The following SLC35A3 variants were observed in gnomAD, a reference collection of about 807,000 sequenced individuals.
SLC35A3 encodes the protein UDP-N-acetylglucosamine transporter.
In SLC35A3, 26 loss-of-function variants were observed where a neutral mutation model predicts 39.0. That is an observed-to-expected ratio of 0.67 (90% CI 0.49 to 0.92). The LOEUF is 0.92. Among genes scored for constraint, SLC35A3 ranks in the 40% least tolerant of loss-of-function variants. The pLI, the probability that SLC35A3 is intolerant of heterozygous loss-of-function variation, is 0.00. For missense variants in SLC35A3, 299 were observed against 371.6 expected (o/e 0.80, Z 1.61); for synonymous variants, 135 against 133.1 (o/e 1.01, Z -0.10).
At chr1:100,005,533 A>C (rs1659162352) in intron 3 of SLC35A3, among the ~76,000 whole-genome samples, 1 of 152,112 alleles carries the variant, frequency 6.6e-6, no homozygotes, top group African/African-American at 2.4e-5. Flanking sequence ...AGGCTTTTTC[A>C]TTCTTTTTTC....
At chr1:100,009,800 T>C (rs748604065) in intron 4 of SLC35A3, among the ~76,000 whole-genome samples, 4 of 152,222 alleles carry the variant, frequency 2.6e-5, no homozygotes, top group Non-Finnish European at 5.9e-5. Flanking sequence ...GCATTTTTAA[T>C]AGATATAAAG....
At chr1:100,001,015 T>C (rs1658751754) in intron 3 of SLC35A3, among the ~76,000 whole-genome samples, 1 of 152,188 alleles carries the variant, frequency 6.6e-6, no homozygotes, top group Non-Finnish European at 1.5e-5. Context: ...ATCAGTTGGC[T>C]GTAAACATGT....
intron 3 of SLC35A3, among the ~76,000 whole-genome samples, chr1:100,003,978 A>G (rs1659016557): frequency 6.6e-6 from 1 of 152,072 alleles, no homozygotes; most frequent in South Asian, 2.1e-4. Flanking sequence ...ATATCTCTCT[A>G]TCCCTTTACT....
chr1:99,997,385 A>T, intron 2 of SLC35A3, among the ~76,000 whole-genome samples: 1 of 127,696 alleles, frequency 7.8e-6, no homozygotes, highest in African/African-American at 2.9e-5. Flanking sequence ...CAAAATATAT[A>T]CAGTTATATG....
At chr1:100,009,912 G>T (rs1659502002) in intron 4 of SLC35A3, among the ~76,000 whole-genome samples, 2 of 152,260 alleles carry the variant, frequency 1.3e-5, no homozygotes, top group South Asian at 2.1e-4. Flanking sequence ...TGAAAATCTT[G>T]GACTTGAGCT....
chr1:100,014,983 C>T (rs1045984451), intron 5 of SLC35A3, among the ~76,000 whole-genome samples: 3 of 151,666 alleles, frequency 2.0e-5, no homozygotes, highest in African/African-American at 7.3e-5. Context: ...ACAGTGAAAC[C>T]CCGTCTCTAC....
At chr1:99,973,649 G>T (rs764044524) in intron 1 of SLC35A3, among the ~76,000 whole-genome samples, 1 of 152,186 alleles carries the variant, frequency 6.6e-6, no homozygotes, top group Non-Finnish European at 1.5e-5. Context: ...ATAAGTTGCT[G>T]TACTTAGAGA....
In SLC35A3 at chr1:100,026,280, A is replaced by G. The variant is rs1003366407; in HGVS notation, c.*3804A>G. On this transcript the variant is annotated 3_prime_UTR_variant, in exon 8 of 8. Coordinates refer to ENST00000533028, the MANE Select transcript of SLC35A3 (RefSeq NM_012243.3). ...CACATTCACATTATAATATTTAATT[A>G]TCATGGGTGTATGCTTTACATAAAA... 2 of 152,178 alleles carry G rather than the reference A, an allele frequency of 1.3e-5. No homozygotes were observed. The highest frequency in any genetic ancestry group is 2.9e-5 in the Non-Finnish European group (2 of 68,000). The allele number at this position is 152,178 out of a possible 1,614,324, so 9.4% of individuals were successfully genotyped here.
In SLC35A3 at chr1:100,017,773, C is replaced by T. The variant is rs960736132; in HGVS notation, c.845C>T (p.Thr282Ile). 1.3e-6 allele frequency: 2 copies of T among 1,573,342 alleles called. No homozygotes were observed. Among genetic ancestry groups the T allele is most frequent in the Middle Eastern group, 1.7e-4 (1 of 5,788 alleles). ...ACCTCTTTATCGATAATATTATCAA[C>T]ATTGATCTCCTATTTTTGGCTTCAA... ...FATSLSIILSTLISYFWLQDF... is the reference protein window; with the variant it reads ...FATSLSIILSILISYFWLQDF... The change falls in exon 7 of 8, where the codon ACA becomes ATA. Residue 282 changes from threonine (T) to isoleucine (I), a missense_variant. By Grantham distance (89) the Thr-to-Ile change is moderately conservative. Coordinates refer to ENST00000533028, the MANE Select transcript of SLC35A3 (RefSeq NM_012243.3).
rs1170082728 is a variant in SLC35A3, at chr1:100,029,426, A to ATTTTTTTTTTT, written c.*6962_*6972dup. Reference sequence around the variant, plus strand: ...CAATTCTTCTTTTCAGAGACTTTTAATTTTTTTTTTTTTTTTTTTTTTGAG... The same window carrying ATTTTTTTTTTT: ...CAATTCTTCTTTTCAGAGACTTTTAATTTTTTTTTTTTTTTTTTTTTTTTTTTTTTTTTGAG... On this transcript the variant is annotated 3_prime_UTR_variant, in exon 8 of 8. Transcript: ENST00000533028. 8.0e-6 allele frequency: 1 copy of ATTTTTTTTTTT among 125,602 alleles called. No homozygotes were observed. Among genetic ancestry groups the ATTTTTTTTTTT allele is most frequent in the Non-Finnish European group, 1.6e-5 (1 of 61,046 alleles). The allele number at this position is 125,602 out of a possible 1,614,324, so 7.8% of individuals were successfully genotyped here.
In SLC35A3 at chr1:99,977,835, G is replaced by A. The variant is rs573055992; in HGVS notation, c.-19+7673G>A. ...ATTATAGGTGTGAGACACCGTGCCT[G>A]GCCCTCGTATGCTTTAATACCTAAA... On this transcript the variant is annotated intron_variant, in intron 1 of 7. Transcript: ENST00000533028. 4.6e-5 allele frequency among the ~76,000 whole-genome samples: 7 copies of A among 152,318 alleles called. No homozygotes were observed. The South Asian group carries it at 1.4e-3, about 32-fold the overall frequency.
At chr1:100,015,257 C>T in intron 5 of SLC35A3, 45 bp from the exon 6 acceptor site, 1 of 1,460,054 alleles carries the variant, frequency 6.8e-7, no homozygotes, top group Non-Finnish European at 9.1e-7. Context: ...TATATCTCTT[C>T]AGACAAACTA....
chr1:99,970,485 C>A, intron 1 of SLC35A3: 1 of 1,302,074 alleles, frequency 7.7e-7, no homozygotes, highest in Non-Finnish European at 1.1e-6. Flanking sequence ...GCGTGCGGAG[C>A]TAGTGACGGG....
chr1:100,003,922 A>G (rs1178025732), intron 3 of SLC35A3, among the ~76,000 whole-genome samples: 1 of 152,182 alleles, frequency 6.6e-6, no homozygotes, highest in Non-Finnish European at 1.5e-5. Context: ...TCTATTTTAC[A>G]TAAGTATAGC....
At position 100,017,759 on chromosome 1, in the gene SLC35A3, G is replaced by T; in HGVS notation, c.831G>T (p.Ser277=). ...NILKGFATSL[S]IILSTLISYF... Reference sequence around the variant, plus strand: ...TAAAAGGATTTGCAACCTCTTTATCGATAATATTATCAACATTGATCTCCT... The same window carrying T: ...TAAAAGGATTTGCAACCTCTTTATCTATAATATTATCAACATTGATCTCCT... The change falls in exon 7 of 8, where the codon TCG becomes TCT. Residue 277 remains serine, a synonymous_variant. Transcript: ENST00000533028. The T allele has an allele frequency of 6.3e-7, 1 of 1,574,828 alleles. No individual in the cohort carries two copies. Among genetic ancestry groups the T allele is most frequent in the Non-Finnish European group, 8.6e-7 (1 of 1,160,272 alleles).
At chr1:99,998,339 T>C (rs1407410319) in intron 2 of SLC35A3, among the ~76,000 whole-genome samples, 3 of 152,084 alleles carry the variant, frequency 2.0e-5, no homozygotes, top group Admixed American at 6.6e-5. Flanking sequence ...AAAATTTTTT[T>C]TTGAGACAGG....
Position 100,025,488 on chromosome 1 carries a change from AAGT to A in SLC35A3, c.*3016_*3018del, listed in dbSNP as rs1268390269. On this transcript the variant is annotated 3_prime_UTR_variant, in exon 8 of 8. Coordinates refer to ENST00000533028, the MANE Select transcript of SLC35A3 (RefSeq NM_012243.3). The stretch of plus-strand genomic sequence containing the variant: ...TAAACAAGAATTGTAAAAATGGACA[AAGT>A]AGTCAAATATATTTTCAAAGCACAA... The A allele has an allele frequency of 6.6e-6, 1 of 152,232 alleles. No homozygotes were observed. Among genetic ancestry groups the A allele is most frequent in the Non-Finnish European group, 1.5e-5 (1 of 68,026 alleles). 9.4% of individuals were successfully genotyped at this position (152,232 alleles called of 1,614,324 possible).
At chr1:99,994,414 T>C (rs1368235427) in intron 2 of SLC35A3, among the ~76,000 whole-genome samples, 1 of 152,158 alleles carries the variant, frequency 6.6e-6, no homozygotes, top group African/African-American at 2.4e-5. Flanking sequence ...TGTATCACTT[T>C]AAACAACAAC....
chr1:99,976,191 T>G (rs1657096776), intron 1 of SLC35A3, among the ~76,000 whole-genome samples: 1 of 152,148 alleles, frequency 6.6e-6, no homozygotes, highest in East Asian at 1.9e-4. Context: ...TTAGGCAGAG[T>G]GGCATAAGAC....
Sources: gnomAD v4.1 joint callset for allele counts (sites outside exome capture counted in the v4.1 genomes callset) on GRCh38, gnomAD v4.1.1 for gene constraint, MANE v1.5 for transcripts, NCBI Gene and HGNC (gene_info 2026-07-23, HGNC 2026-07-21) for gene names.